Variants in CFAP92 observed in about 807,000 individuals in gnomAD.
CFAP92 encodes uncharacterized protein CFAP92.
Under a neutral mutation model 106.3 loss-of-function variants are expected in CFAP92, and 86 were observed. The ratio of observed to expected loss-of-function variants is 0.81; its 90% CI spans 0.68 to 0.97. The LOEUF (loss-of-function observed/expected upper bound fraction) is 0.97, where lower values mean the gene tolerates loss of function less well. Ranked by LOEUF, CFAP92 falls within the 50% of genes least tolerant of loss-of-function variation. The pLI is 0.00. For missense variants in CFAP92, 1,204 were observed against 1,283.8 expected, an observed-to-expected ratio of 0.94 and a Z score of 0.95; for synonymous variants, 477 against 506.4, an observed-to-expected ratio of 0.94 and a Z score of 0.78.
chr3:128,998,180 G>T (rs1201955919), upstream of CFAP92, among the ~76,000 whole-genome samples: 1 of 152,144 alleles, frequency 6.6e-6, no homozygotes, highest in East Asian at 1.9e-4. Flanking sequence ...AGAGTTCATT[G>T]TAAATTCGGA....
the CFAP92 span, among the ~76,000 whole-genome samples, chr3:129,012,594 C>A: frequency 6.6e-6 from 1 of 152,300 alleles, no homozygotes; most frequent in South Asian, 2.1e-4. Context: ...GGGTCACAGC[C>A]CCACCTCCAG....
intron 10 of CFAP92, among the ~76,000 whole-genome samples, chr3:128,938,994 T>G (rs1939347044): frequency 6.6e-6 from 1 of 152,160 alleles, no homozygotes; most frequent in Non-Finnish European, 1.5e-5. Flanking sequence ...AGATCAACAT[T>G]CAAAAATCAC....
upstream of CFAP92, among the ~76,000 whole-genome samples, chr3:128,998,107 G>A (rs747432302): frequency 3.9e-5 from 6 of 152,172 alleles, no homozygotes; most frequent in Non-Finnish European, 8.8e-5. Context: ...TTGGTGAAAT[G>A]TCTGTTTGTA....
the CFAP92 span, among the ~76,000 whole-genome samples, chr3:129,020,423 G>A: frequency 6.6e-6 from 1 of 152,114 alleles, no homozygotes; most frequent in African/African-American, 2.4e-5. Flanking sequence ...AATCACTTGA[G>A]CCCAGGAGTT....
the CFAP92 span, among the ~76,000 whole-genome samples, chr3:129,017,217 C>T: frequency 6.6e-6 from 1 of 152,338 alleles, no homozygotes; most frequent in East Asian, 1.9e-4. Context: ...TTCGTGAAGG[C>T]GGCTTCATGA....
At position 128,937,604 on chromosome 3, in the gene CFAP92, C is replaced by CA. The variant is rs34770025; in HGVS notation, c.2259-2286dup. 2.7e-3 allele frequency among the ~76,000 whole-genome samples: 377 copies of CA among 141,276 alleles called. 2 individuals are homozygous for CA. The highest frequency in any genetic ancestry group is 6.9e-3 in the African/African-American group (272 of 39,524). The allele number at this position is 141,276 out of a possible 152,430, so 92.7% of individuals were successfully genotyped here. A position where few individuals can be genotyped will look rare whatever the true frequency, so the allele number is the denominator to read the frequency against. ...GGGCGACAGAGCGAGACTCCATATC[C>CA]AAAAAAAAAAAAGATTTTTCTGGTG... On this transcript the variant is annotated intron_variant, in intron 10 of 15. Transcript: ENST00000645291.
upstream of CFAP92, among the ~76,000 whole-genome samples, chr3:128,997,678 T>C (rs1944532256): frequency 6.6e-6 from 1 of 152,274 alleles, no homozygotes; most frequent in Non-Finnish European, 1.5e-5. Context: ...TTCTATTGTA[T>C]GGACAGACCA....
At chr3:128,965,410 T>C in intron 9 of CFAP92, 101 bp downstream of exon 9, 1 of 397,842 alleles carries the variant, frequency 2.5e-6, no homozygotes, top group South Asian at 1.4e-4. Context: ...AATGACCACA[T>C]TTCTCATGTG....
At chr3:128,934,272 T>C (rs1938738144) in intron 11 of CFAP92, among the ~76,000 whole-genome samples, 1 of 152,112 alleles carries the variant, frequency 6.6e-6, no homozygotes, top group Non-Finnish European at 1.5e-5. Flanking sequence ...CAGGCTGGAG[T>C]GCAATGACGC....
At chr3:128,923,418 G>A (rs1448901587) in intron 12 of CFAP92, among the ~76,000 whole-genome samples, 1 of 152,210 alleles carries the variant, frequency 6.6e-6, no homozygotes, top group Non-Finnish European at 1.5e-5. Context: ...GGGCACAACA[G>A]ATGCTTAATG....
chr3:128,912,805 C>CCAT, intron 15 of CFAP92: 2 of 726,828 alleles, frequency 2.8e-6, no homozygotes, highest in African/African-American at 3.4e-5. Flanking sequence ...TCTAACAGGA[C>CCAT]CATCACAGCT....
In CFAP92 at chr3:128,983,507, A is replaced by G. The variant is rs528885818; in HGVS notation, c.667+4109T>C. 2.0e-5 allele frequency among the ~76,000 whole-genome samples: 3 copies of G among 152,260 alleles called. No homozygotes were observed. In the South Asian group the frequency reaches 6.2e-4, roughly 32 times the overall value. ...CCCCAGCCAGAGTGTCAGCTCCTCA[A>G]TGCCTTTCATTTCTATCCCTAGAGG... On this transcript the variant is annotated intron_variant, in intron 4 of 15. Transcript: ENST00000645291.
chr3:129,024,171 G>A, the CFAP92 span, among the ~76,000 whole-genome samples: 1 of 152,262 alleles, frequency 6.6e-6, no homozygotes, highest in Non-Finnish European at 1.5e-5. Context: ...AGCCAGGAGA[G>A]GTGTCTTATT....
chr3:128,998,714 A>G (rs1944573123), upstream of CFAP92, among the ~76,000 whole-genome samples: 1 of 152,154 alleles, frequency 6.6e-6, no homozygotes, highest in African/African-American at 2.4e-5. Flanking sequence ...ATCCCCAGGG[A>G]GCACAGAGCA....
the CFAP92 span, among the ~76,000 whole-genome samples, chr3:129,008,526 A>C: frequency 4.6e-5 from 7 of 152,244 alleles, no homozygotes; most frequent in Non-Finnish European, 1.0e-4. Context: ...ATGGACAATA[A>C]ATATGTAAGC....
chr3:129,020,017 C>T, the CFAP92 span, among the ~76,000 whole-genome samples: 19 of 152,196 alleles, frequency 1.2e-4, no homozygotes, highest in Admixed American at 3.3e-4. Flanking sequence ...GATCCACCTA[C>T]CTCAGCCTCC....
intron 1 of CFAP92, chr3:129,001,998 G>A (rs1944793238): frequency 6.5e-7 from 1 of 1,546,002 alleles, no homozygotes; most frequent in South Asian, 1.2e-5. Context: ...CGGGGACTCA[G>A]ATACCGATGA....
intron 1 of CFAP92, chr3:129,001,535 C>T: frequency 1.5e-6 from 2 of 1,340,370 alleles, no homozygotes; most frequent in Non-Finnish European, 9.5e-7. Flanking sequence ...GACCGCTAAG[C>T]CCCTCCTTTC....
the CFAP92 span, among the ~76,000 whole-genome samples, chr3:129,017,485 T>C: frequency 6.6e-6 from 1 of 152,256 alleles, no homozygotes; most frequent in East Asian, 1.9e-4. Flanking sequence ...TGGCCGGGTC[T>C]GGACCCCCTG....
Sources: gnomAD v4.1 joint callset for allele counts (sites outside exome capture counted in the v4.1 genomes callset) on GRCh38, gnomAD v4.1.1 for gene constraint, MANE v1.5 for transcripts, NCBI Gene and HGNC (gene_info 2026-07-23, HGNC 2026-07-21) for gene names.